Variants in PGM2L1 observed in about 807,000 individuals in gnomAD.
The protein encoded by PGM2L1 is phosphoglucomutase 2 like 1, also known as glucose 1,6-bisphosphate synthase.
PGM2L1 carries 35 observed loss-of-function variants against 73.4 expected under a neutral mutation model. The ratio of observed to expected loss-of-function variants is 0.48; its 90% CI spans 0.36 to 0.63. The LOEUF (loss-of-function observed/expected upper bound fraction) is 0.63, where lower values mean the gene tolerates loss of function less well. Among genes scored for constraint, PGM2L1 ranks in the 30% least tolerant of loss-of-function variants. PGM2L1 has a pLI of 0.00. For synonymous variants in PGM2L1, 225 were observed against 253.8 expected (o/e 0.89, Z 1.08); for missense variants, 570 against 742.0 (o/e 0.77, Z 2.69).
At chr11:74,396,039 G>A (rs561461823) in intron 1 of PGM2L1, among the ~76,000 whole-genome samples, 2 of 151,688 alleles carry the variant, frequency 1.3e-5, no homozygotes, top group East Asian at 3.9e-4. Context: ...ATCCCTTGAG[G>A]CCCAGAGTTC....
In PGM2L1 at chr11:74,398,388, G is replaced by A; in HGVS notation, c.-227C>T. 1 of 562,882 alleles carries A rather than the reference G, an allele frequency of 1.8e-6. No individual in the cohort carries two copies. The highest frequency in any genetic ancestry group is 2.7e-6 in the Non-Finnish European group (1 of 363,864). The allele number at this position is 562,882 out of a possible 1,614,324, so 34.9% of individuals were successfully genotyped here. ...GCGGACCAGGTCCGGGTCTCTGGGCGAAGTGACTGAGGCGGTCGCGCCGCG... is the reference window on the plus strand; with the variant it reads ...GCGGACCAGGTCCGGGTCTCTGGGCAAAGTGACTGAGGCGGTCGCGCCGCG... On this transcript the variant is annotated 5_prime_UTR_variant, in exon 1 of 14. Coordinates refer to ENST00000298198, the MANE Select transcript of PGM2L1 (RefSeq NM_173582.6).
In PGM2L1 at chr11:74,345,531, CTAACATATAAACGTTCT is replaced by C. The variant is rs1186480010; in HGVS notation, c.1139_1155del (p.Lys380SerfsTer7). 6.2e-7 allele frequency: 1 copy of C among 1,613,316 alleles called. No homozygotes were observed. Among genetic ancestry groups the C allele is most frequent in the African/African-American group, 1.3e-5 (1 of 74,874 alleles). On this transcript the variant is annotated frameshift_variant, in exon 9 of 14. Transcript: ENST00000298198. LOFTEE classifies it high-confidence loss of function. ...AGAATTTTAGAAGAGACTGTGGTGG[CTAACATATAAACGTTCT>C]TCACATCAGCATTTCTTGATTTATT...
chr11:74,355,532 C>T (rs866586265), intron 5 of PGM2L1: 9 of 238,072 alleles, frequency 3.8e-5, no homozygotes, highest in African/African-American at 1.3e-4. Context: ...CCAGCCTGGG[C>T]GACAGAGCGA....
chr11:74,384,641 C>A (rs1055321159), intron 1 of PGM2L1, among the ~76,000 whole-genome samples: 12 of 152,014 alleles, frequency 7.9e-5, no homozygotes, highest in African/African-American at 2.2e-4. Flanking sequence ...GATGAAGCTA[C>A]CTCCCTCCAG....
intron 1 of PGM2L1, among the ~76,000 whole-genome samples, chr11:74,393,454 C>G (rs1344166239): frequency 6.6e-6 from 1 of 152,080 alleles, no homozygotes; most frequent in Non-Finnish European, 1.5e-5. Context: ...AAAGGAAATT[C>G]ACTCACCATC....
chr11:74,342,731 A>G (rs186838109), intron 11 of PGM2L1, 81 bp from the exon 12 acceptor site: 11 of 1,378,432 alleles, frequency 8.0e-6, no homozygotes, highest in Middle Eastern at 2.5e-4. Context: ...TCAGCCTACT[A>G]TGGTATTTTA....
At chr11:74,376,561 T>C (rs1224841032) in intron 1 of PGM2L1, among the ~76,000 whole-genome samples, 12 of 151,380 alleles carry the variant, frequency 7.9e-5, no homozygotes, top group Admixed American at 5.9e-4. Context: ...ATATATCTAA[T>C]GAGTATATAT....
intron 1 of PGM2L1, among the ~76,000 whole-genome samples, chr11:74,389,499 G>C (rs1863060677): frequency 6.6e-6 from 1 of 151,662 alleles, no homozygotes; most frequent in South Asian, 2.1e-4. Flanking sequence ...ACCCAGGCTG[G>C]AGTGCAGTGG....
intron 6 of PGM2L1, among the ~76,000 whole-genome samples, chr11:74,349,515 G>A (rs1328634671): frequency 2.6e-5 from 4 of 152,094 alleles, no homozygotes; most frequent in Non-Finnish European, 4.4e-5. Flanking sequence ...GGAAAACAAA[G>A]TTATCTCAGC....
chr11:74,377,847 C>T (rs1411434027), intron 1 of PGM2L1, among the ~76,000 whole-genome samples: 3 of 152,066 alleles, frequency 2.0e-5, no homozygotes, highest in Non-Finnish European at 4.4e-5. Flanking sequence ...ATCTATAAAA[C>T]ATATATTGGC....
chr11:74,351,969 A>AT (rs35098413), intron 5 of PGM2L1, among the ~76,000 whole-genome samples: 4,317 of 101,402 alleles, frequency 0.043, 200 homozygotes, highest in African/African-American at 0.11. Context: ...CTCAAAAAAA[A>AT]AAATAAATAA....
chr11:74,383,904 T>C (rs1862985566), intron 1 of PGM2L1, among the ~76,000 whole-genome samples: 2 of 150,628 alleles, frequency 1.3e-5, no homozygotes, highest in South Asian at 4.2e-4. Flanking sequence ...GTCTTTGTTA[T>C]TGTGAATAGT....
chr11:74,396,266 TA>T (rs141051355), intron 1 of PGM2L1, among the ~76,000 whole-genome samples: 231 of 139,628 alleles, frequency 1.7e-3, no homozygotes, highest in African/African-American at 3.5e-3. Flanking sequence ...AGACCCTGTT[TA>T]AAAAAAAAAA....
chr11:74,358,086 T>C (rs943300075), intron 5 of PGM2L1, among the ~76,000 whole-genome samples: 5 of 152,236 alleles, frequency 3.3e-5, no homozygotes, highest in Non-Finnish European at 7.3e-5. Context: ...GATACTATAA[T>C]GGTGGATACG....
At chr11:74,343,796 TGAGACG>T in intron 9 of PGM2L1, among the ~76,000 whole-genome samples, 1 of 121,952 alleles carries the variant, frequency 8.2e-6, no homozygotes, top group East Asian at 3.0e-4. Context: ...TTTTTTTTTT[TGAGACG>T]GAGTCTCGCT....
intron 5 of PGM2L1, among the ~76,000 whole-genome samples, chr11:74,361,179 G>A (rs575897011): frequency 1.3e-4 from 20 of 152,218 alleles, no homozygotes; most frequent in Middle Eastern, 6.8e-3. Context: ...TCACACGGCC[G>A]GGTACCCCTC....
intron 1 of PGM2L1, among the ~76,000 whole-genome samples, chr11:74,374,794 T>A (rs962528286): frequency 6.6e-6 from 1 of 152,238 alleles, no homozygotes; most frequent in African/African-American, 2.4e-5. Flanking sequence ...TATATATCTT[T>A]TAATTTTATA....
chr11:74,361,399 C>T (rs549735464), intron 5 of PGM2L1, among the ~76,000 whole-genome samples: 7 of 152,246 alleles, frequency 4.6e-5, no homozygotes, highest in East Asian at 3.9e-4. Context: ...CCCATCTGTA[C>T]GTCACCATCA....
At chr11:74,353,486 T>C (rs959921641) in intron 5 of PGM2L1, among the ~76,000 whole-genome samples, 1 of 151,758 alleles carries the variant, frequency 6.6e-6, no homozygotes, top group African/African-American at 2.4e-5. Flanking sequence ...CCCTGCGGCC[T>C]TCCGCAGTGT....
Sources: allele counts gnomAD v4.1 joint callset (sites outside exome capture counted in the v4.1 genomes callset), GRCh38; gene constraint gnomAD v4.1.1; transcripts MANE v1.5; gene names NCBI Gene and HGNC (gene_info 2026-07-23, HGNC 2026-07-21).